VWA2: variants seen among roughly 807,000 people sequenced by gnomAD.
The protein encoded by VWA2 is von Willebrand factor A domain-containing protein 2.
Under a neutral mutation model 70.4 loss-of-function variants are expected in VWA2, and 73 were observed. That is an observed-to-expected ratio of 1.04 (90% CI 0.86 to 1.26). VWA2 has a LOEUF of 1.26. Among genes scored for constraint, VWA2 ranks in the 50% most tolerant of loss-of-function variants. VWA2 has a pLI of 0.00. For missense variants in VWA2, 1,011 were observed against 998.5 expected, an observed-to-expected ratio of 1.01 and a Z score of -0.17; for synonymous variants, 407 against 423.3, an observed-to-expected ratio of 0.96 and a Z score of 0.47.
chr10:114,244,371 C>T (rs1053804298), intron 1 of VWA2, among the ~76,000 whole-genome samples: 7 of 152,196 alleles, frequency 4.6e-5, no homozygotes, highest in Admixed American at 2.0e-4. Context: ...TGGCAGCTTC[C>T]CCCAGAACCG....
At chr10:114,284,820 C>G in intron 9 of VWA2, 43 bp from the exon 10 acceptor site, 2 of 1,551,572 alleles carry the variant, frequency 1.3e-6, no homozygotes, top group Non-Finnish European at 1.7e-6. Flanking sequence ...CTCCACTCCT[C>G]TGTGCTGCGG....
At chr10:114,274,898 T>G (rs140314244) in intron 6 of VWA2, among the ~76,000 whole-genome samples, 2 of 151,698 alleles carry the variant, frequency 1.3e-5, no homozygotes, top group Non-Finnish European at 1.5e-5. Flanking sequence ...AGCCCCAGAG[T>G]GAATAGTGGT....
chr10:114,290,418 C>T, intron 13 of VWA2, 53 bp downstream of exon 13: 1 of 1,540,078 alleles, frequency 6.5e-7, no homozygotes, highest in Non-Finnish European at 8.8e-7. Context: ...ATTGCGAGTC[C>T]TGCCAAGTCC....
chr10:114,271,458 CT>C (rs2037707168), intron 5 of VWA2, among the ~76,000 whole-genome samples: 1 of 152,146 alleles, frequency 6.6e-6, no homozygotes, highest in Non-Finnish European at 1.5e-5. Flanking sequence ...CCTTGTCTTC[CT>C]GCTGAATGGA....
In VWA2 at chr10:114,286,589, A is replaced by G. The variant is rs1388302760; in HGVS notation, c.1570+78A>G. On this transcript the variant is annotated intron_variant, in intron 11 of 13. Transcript: ENST00000392982. The stretch of plus-strand genomic sequence containing the variant: ...TCCTTTTGGCCACCACCTAACCATC[A>G]TTTTCTGCCAGTGCCTCTTCTAGGG... 5 of 1,272,688 alleles carry G rather than the reference A, an allele frequency of 3.9e-6. No homozygotes were observed. In the East Asian group the frequency reaches 7.4e-5, roughly 19 times the overall value. 78.8% of individuals were successfully genotyped at this position (1,272,688 alleles called of 1,614,324 possible).
At chr10:114,245,490 C>T (rs1482575359) in intron 1 of VWA2, among the ~76,000 whole-genome samples, 3 of 152,154 alleles carry the variant, frequency 2.0e-5, no homozygotes, top group Admixed American at 6.5e-5. Flanking sequence ...TCGTCCTGAA[C>T]CTAAGGAATA....
chr10:114,269,200 G>C (rs550849038), intron 5 of VWA2, among the ~76,000 whole-genome samples: 3 of 152,322 alleles, frequency 2.0e-5, no homozygotes, highest in African/African-American at 7.2e-5. Context: ...CTGTGCAGTG[G>C]GCAGCCTGGG....
At chr10:114,279,491 C>T (rs1025223491) in intron 8 of VWA2, among the ~76,000 whole-genome samples, 7 of 152,328 alleles carry the variant, frequency 4.6e-5, no homozygotes, top group African/African-American at 9.6e-5. Flanking sequence ...CCTCCCCCAG[C>T]GATGAGCTCA....
chr10:114,290,015 G>T (rs2039406983), intron 12 of VWA2: 2 of 390,806 alleles, frequency 5.1e-6, no homozygotes, highest in Non-Finnish European at 9.0e-6. Context: ...AAAAAAGTCT[G>T]CCATGTGTAT....
chr10:114,290,068 C>T, intron 12 of VWA2, 172 bp from the exon 13 acceptor site: 2 of 712,002 alleles, frequency 2.8e-6, no homozygotes, highest in East Asian at 5.9e-5. Context: ...TGTAGGAGAG[C>T]TGGGTCTTAC....
intron 4 of VWA2, 37 bp from the exon 5 acceptor site, chr10:114,261,149 A>G (rs1423631506): frequency 2.0e-6 from 3 of 1,488,364 alleles, no homozygotes; most frequent in Non-Finnish European, 2.8e-6. Flanking sequence ...TTTTGACTCC[A>G]GTCTCGGGGC....
At chr10:114,281,253 G>C (rs2038089199) in intron 8 of VWA2, 1 of 152,280 alleles carries the variant, frequency 6.6e-6, no homozygotes, top group Non-Finnish European at 1.5e-5. Flanking sequence ...GCCATCCCAG[G>C]AGCTGCTGCC....
chr10:114,262,706 G>A (rs187459407), intron 5 of VWA2, among the ~76,000 whole-genome samples: 2 of 152,300 alleles, frequency 1.3e-5, no homozygotes, highest in Admixed American at 1.3e-4. Flanking sequence ...GAATGTCCTA[G>A]TAACCCTCAC....
At chr10:114,241,441 A>C (rs2036972336) in intron 1 of VWA2, among the ~76,000 whole-genome samples, 1 of 152,202 alleles carries the variant, frequency 6.6e-6, no homozygotes, top group Non-Finnish European at 1.5e-5. Flanking sequence ...AGAATGTCTT[A>C]TGATTGGAAT....
intron 5 of VWA2, among the ~76,000 whole-genome samples, chr10:114,266,608 T>G (rs577507527): frequency 1.3e-5 from 2 of 152,278 alleles, no homozygotes; most frequent in South Asian, 4.1e-4. Context: ...AGTCAAACCT[T>G]CCAACATTGC....
chr10:114,246,560 G>A, intron 1 of VWA2: 2 of 1,009,854 alleles, frequency 2.0e-6, no homozygotes, highest in African/African-American at 1.6e-5. Flanking sequence ...TTCCCTGACT[G>A]TAACAGAGGG....
chr10:114,245,854 C>G (rs1453957383), intron 1 of VWA2, among the ~76,000 whole-genome samples: 1 of 152,214 alleles, frequency 6.6e-6, no homozygotes, highest in Non-Finnish European at 1.5e-5. Flanking sequence ...AGACTCTCAG[C>G]TGGCAGGGAC....
chr10:114,287,152 C>T (rs2039001613), intron 11 of VWA2, among the ~76,000 whole-genome samples: 1 of 152,208 alleles, frequency 6.6e-6, no homozygotes, highest in African/African-American at 2.4e-5. Flanking sequence ...AGAGGCCTGG[C>T]CCATGGCCAG....
At chr10:114,254,713 C>T (rs1178421924) in intron 3 of VWA2, among the ~76,000 whole-genome samples, 1 of 152,196 alleles carries the variant, frequency 6.6e-6, no homozygotes, top group Non-Finnish European at 1.5e-5. Context: ...CAAAGGCTTT[C>T]ACGTAAGGGC....
Sources: gnomAD v4.1 joint callset for allele counts (sites outside exome capture counted in the v4.1 genomes callset) on GRCh38, gnomAD v4.1.1 for gene constraint, MANE v1.5 for transcripts, NCBI Gene and HGNC (gene_info 2026-07-23, HGNC 2026-07-21) for gene names.